The following GLI2 variants were observed in gnomAD, a reference collection of about 807,000 sequenced individuals.
The protein encoded by GLI2 is GLI family zinc finger 2, also known as transcription activator GLI2.
GLI2 carries 22 observed loss-of-function variants against 78.9 expected under a neutral mutation model. The observed-to-expected ratio is 0.28, with a 90% CI of 0.20 to 0.40. GLI2 has a LOEUF of 0.40. Ranked by LOEUF, GLI2 falls within the 10% of genes least tolerant of loss-of-function variation. GLI2 has a pLI of 1.00. For missense variants in GLI2, 2,097 were observed against 2,213.2 expected (o/e 0.95, Z 1.05); for synonymous variants, 974 against 963.7 (o/e 1.01, Z -0.20).
intron 2 of GLI2, among the ~76,000 whole-genome samples, chr2:120,915,376 C>CA (rs1679041798): frequency 6.6e-6 from 1 of 152,186 alleles, no homozygotes; most frequent in Admixed American, 6.5e-5. Context: ...TTCCTCCCCC[C>CA]ACGTTTTTCC....
chr2:120,978,343 G>C (rs1682558025), intron 9 of GLI2, 91 bp from the exon 10 acceptor site: 1 of 1,422,956 alleles, frequency 7.0e-7, no homozygotes, highest in Non-Finnish European at 9.9e-7. Flanking sequence ...AGGGCTGGGG[G>C]GGTGCCGGTG....
intron 2 of GLI2, among the ~76,000 whole-genome samples, chr2:120,820,500 A>T (rs1451304148): frequency 6.6e-6 from 1 of 152,186 alleles, no homozygotes; most frequent in Non-Finnish European, 1.5e-5. Flanking sequence ...GGAGGCGGAG[A>T]GCTGCCTTGA....
rs200730065 is a variant in GLI2, at chr2:120,992,050, A to C, written c.*1375A>C. On this transcript the variant is annotated 3_prime_UTR_variant, in exon 14 of 14. Transcript: ENST00000361492. ...CACACACACACACACACACACACACACCCCAAACCTTTTCATGGGGAATGT... is the reference window on the plus strand; with the variant it reads ...CACACACACACACACACACACACACCCCCCAAACCTTTTCATGGGGAATGT... 599 of 146,968 alleles carry C rather than the reference A, an allele frequency of 4.1e-3. No homozygotes were observed. Among genetic ancestry groups the C allele is most frequent in the East Asian group, 9.6e-3 (48 of 5,006 alleles). The allele number at this position is 146,968 out of a possible 1,614,324, so 9.1% of individuals were successfully genotyped here. A position where few individuals can be genotyped will look rare whatever the true frequency, so the allele number is the denominator to read the frequency against.
chr2:120,959,180 G>A (rs1681421533), intron 5 of GLI2, among the ~76,000 whole-genome samples: 1 of 152,140 alleles, frequency 6.6e-6, no homozygotes, highest in Non-Finnish European at 1.5e-5. Context: ...GGGCGCGAGA[G>A]CTCCCAGCCC....
Position 120,971,933 on chromosome 2 carries a change from T to C in GLI2, c.1060-8T>C, listed in dbSNP as rs1292392867. ...GAGTAACAGACTGTCCTCTGCACCC[T>C]TCCTCAGAACAAGCAGAGCAGTGAG... On this transcript the variant is annotated splice_polypyrimidine_tract_variant and splice_region_variant and intron_variant, in intron 7 of 13. Transcript: ENST00000361492. The C allele has an allele frequency of 1.5e-5, 24 of 1,613,600 alleles. No homozygotes were observed. Among genetic ancestry groups the C allele is most frequent in the Non-Finnish European group, 2.0e-5 (24 of 1,179,772 alleles).
chr2:120,841,351 A>G lies in GLI2; in HGVS notation c.148+43883A>G, dbSNP rs545299372. On this transcript the variant is annotated intron_variant, in intron 2 of 13. Transcript: ENST00000361492. ...ACTAAGGCACAATGTGAGGGATTCT[A>G]CAGAGGGCCTAGTGAAGAGAGAGGA... Among the ~76,000 whole-genome samples the G allele has an allele frequency of 3.9e-5, 6 of 152,318 alleles. No homozygotes were observed. In the South Asian group the frequency reaches 1.2e-3, roughly 32 times the overall value.
intron 2 of GLI2, among the ~76,000 whole-genome samples, chr2:120,879,831 CT>C (rs1284568294): frequency 6.6e-6 from 1 of 152,258 alleles, no homozygotes; most frequent in Admixed American, 6.5e-5. Flanking sequence ...GAGAGCCCGT[CT>C]GCCGCGGGAG....
At chr2:120,760,949 T>C (rs1683195359) in intron 1 of GLI2, among the ~76,000 whole-genome samples, 1 of 152,156 alleles carries the variant, frequency 6.6e-6, no homozygotes, top group Admixed American at 6.5e-5. Context: ...CTGTGAGGTC[T>C]GCTGAGGTGG....
intron 1 of GLI2, among the ~76,000 whole-genome samples, chr2:120,749,117 G>C (rs991633489): frequency 6.6e-6 from 1 of 152,178 alleles, no homozygotes; most frequent in Non-Finnish European, 1.5e-5. Flanking sequence ...GCTCTCACTT[G>C]TCTCTGGGAT....
chr2:120,960,141 C>T (rs765011191), intron 5 of GLI2, among the ~76,000 whole-genome samples: 8 of 152,196 alleles, frequency 5.3e-5, no homozygotes, highest in Non-Finnish European at 8.8e-5. Context: ...AGGGACGCAA[C>T]GCATCATGAG....
At position 120,871,534 on chromosome 2, in the gene GLI2, C is replaced by T. The variant is rs566998556; in HGVS notation, c.149-55827C>T. On this transcript the variant is annotated intron_variant, in intron 2 of 13. Coordinates refer to ENST00000361492, the MANE Select transcript of GLI2 (RefSeq NM_001374353.1). ...AGAACTTTGCTTTCCTCCTGTGCACCGGAGCTGTCAGACCGTGGGTGCTAA... is the reference window on the plus strand; with the variant it reads ...AGAACTTTGCTTTCCTCCTGTGCACTGGAGCTGTCAGACCGTGGGTGCTAA... 1.3e-3 allele frequency among the ~76,000 whole-genome samples: 204 copies of T among 152,308 alleles called. 1 individual carries two copies. The highest frequency in any genetic ancestry group is 3.2e-4 in the Non-Finnish European group (22 of 68,028).
At chr2:120,777,462 T>G (rs977410768) in intron 1 of GLI2, among the ~76,000 whole-genome samples, 1 of 151,288 alleles carries the variant, frequency 6.6e-6, no homozygotes, top group African/African-American at 2.4e-5. Context: ...TGGGGGCCTG[T>G]GTGGATATGC....
At chr2:120,787,418 C>CCAT (rs1357340914) in intron 1 of GLI2, among the ~76,000 whole-genome samples, 1 of 152,162 alleles carries the variant, frequency 6.6e-6, no homozygotes, top group African/African-American at 2.4e-5. Context: ...GCCCCCACCC[C>CCAT]CAACTCCCTG....
intron 5 of GLI2, among the ~76,000 whole-genome samples, chr2:120,966,614 C>G (rs564797095): frequency 6.6e-6 from 1 of 152,360 alleles, no homozygotes; most frequent in African/African-American, 2.4e-5. Flanking sequence ...GGTGGCCTGG[C>G]AGGAAAGAGC....
chr2:120,802,628 C>G (rs1177018459), intron 2 of GLI2, among the ~76,000 whole-genome samples: 1 of 152,232 alleles, frequency 6.6e-6, no homozygotes, highest in Non-Finnish European at 1.5e-5. Context: ...CTGAACCTCT[C>G]TGTGTGCCTC....
chr2:120,840,035 G>A (rs1267770255), intron 2 of GLI2, among the ~76,000 whole-genome samples: 1 of 152,084 alleles, frequency 6.6e-6, no homozygotes, highest in Non-Finnish European at 1.5e-5. Context: ...CTTGAATTGG[G>A]CACCTATGTG....
At chr2:120,978,761 G>A (rs1429921546) in intron 10 of GLI2, among the ~76,000 whole-genome samples, 178 bp downstream of exon 10, 2 of 152,178 alleles carry the variant, frequency 1.3e-5, no homozygotes, top group Non-Finnish European at 2.9e-5. Flanking sequence ...GAGGCCCCTC[G>A]CCTCGTGCCG....
intron 1 of GLI2, among the ~76,000 whole-genome samples, chr2:120,752,745 G>A (rs1467023297): frequency 6.6e-6 from 1 of 152,120 alleles, no homozygotes; most frequent in Admixed American, 6.5e-5. Context: ...CCTGAAATAA[G>A]TTTTGTGTAA....
At chr2:120,881,605 G>A (rs1438753986) in intron 2 of GLI2, among the ~76,000 whole-genome samples, 6 of 81,708 alleles carry the variant, frequency 7.3e-5, no homozygotes, top group African/African-American at 3.1e-4. Context: ...TAGCTGGGGT[G>A]GCGGGGGGGA....
Sources: gnomAD v4.1 joint callset for allele counts (sites outside exome capture counted in the v4.1 genomes callset) on GRCh38, gnomAD v4.1.1 for gene constraint, MANE v1.5 for transcripts, NCBI Gene and HGNC (gene_info 2026-07-23, HGNC 2026-07-21) for gene names.